KMT2A: variants seen among roughly 807,000 people sequenced by gnomAD.
KMT2A encodes histone-lysine N-methyltransferase 2A.
A neutral mutation model predicts 345.3 loss-of-function variants in KMT2A; 16 were observed. The observed-to-expected ratio is 0.05, with a 90% confidence interval of 0.03 to 0.07. The LOEUF is 0.07. Among genes scored for constraint, KMT2A ranks in the 10% least tolerant of loss-of-function variants. The pLI is 1.00. For missense variants in KMT2A, 3,272 were observed against 4,841.6 expected (o/e 0.68, Z 9.62); for synonymous variants, 1,599 against 1,778.6 (o/e 0.90, Z 2.54).
intron 28 of KMT2A, among the ~76,000 whole-genome samples, chr11:118,507,957 C>T (rs990524178): frequency 2.6e-5 from 4 of 151,926 alleles, no homozygotes; most frequent in African/African-American, 7.3e-5. Context: ...AGCAAGACTC[C>T]GTTTCCAAAA....
At chr11:118,519,894 C>T (rs1186203374) in intron 32 of KMT2A, 63 bp from the exon 33 acceptor site, 5 of 1,554,686 alleles carry the variant, frequency 3.2e-6, no homozygotes, top group Non-Finnish European at 4.4e-6. Context: ...AGTTTTAATG[C>T]CATCATCCTT....
chr11:118,491,315 GAAGGT>G lies in KMT2A; in HGVS notation c.4817_4819+2del. On this transcript the variant is annotated splice_donor_variant and coding_sequence_variant, in exon 14 of 36. Coordinates refer to ENST00000534358, the MANE Select transcript of KMT2A (RefSeq NM_001197104.2). LOFTEE classifies it high-confidence loss of function. The surrounding 1 kb of genome is among the most constrained non-coding windows in gnomAD (Gnocchi z 4.2). ...CAAATGTGAGAATCTTTCAGGTACAGAAGGTTGGAGTCTTTTTATTTCAGTTTTCT... is the reference window on the plus strand; with the variant it reads ...CAAATGTGAGAATCTTTCAGGTACAGTGGAGTCTTTTTATTTCAGTTTTCT... 1.2e-6 allele frequency: 2 copies of G among 1,612,934 alleles called. No homozygotes were observed. The highest frequency in any genetic ancestry group is 1.7e-6 in the Non-Finnish European group (2 of 1,179,608).
rs982583973 is a variant in KMT2A at position 118,525,751 on chromosome 11, A to G, written c.*3579A>G. The G allele has an allele frequency of 7.0e-5, 16 of 228,486 alleles. No individual in the cohort carries two copies. Among genetic ancestry groups the G allele is most frequent in the African/African-American group, 3.6e-4 (16 of 45,014 alleles). The allele number at this position is 228,486 out of a possible 1,614,324, so 14.2% of individuals were successfully genotyped here. On this transcript the variant is annotated 3_prime_UTR_variant, in exon 36 of 36. Coordinates refer to ENST00000534358, the MANE Select transcript of KMT2A (RefSeq NM_001197104.2). ...AAAACCTTGTCAGATGTTAACTTCT[A>G]AGTTCGGTTTGGGATTTTTTTTTTT... is the stretch of plus-strand genomic sequence containing the variant.
intron 31 of KMT2A, among the ~76,000 whole-genome samples, chr11:118,512,845 T>C (rs1365362399): frequency 6.6e-6 from 1 of 152,074 alleles, no homozygotes; most frequent in Non-Finnish European, 1.5e-5. Flanking sequence ...TGAAATGTTA[T>C]CTTTTCTTAA....
rs2135299644 is a variant in KMT2A, at chr11:118,522,154, C to T, written c.11901C>T (p.Cys3967=). The T allele has an allele frequency of 6.2e-7, 1 of 1,614,090 alleles. No homozygotes were observed. The highest frequency in any genetic ancestry group is 1.1e-5 in the South Asian group (1 of 91,078). ...CCTGCAACTGTGGCGCCAAGAAATG[C>T]CGGAAGTTCCTAAACTAAAGCTGCT... The part of the protein sequence containing the change: ...KLPCNCGAKK[C]RKFLN Residue 3967 remains cysteine (C), a synonymous_variant, in exon 36 of 36, where the codon TGC becomes TGT. Coordinates refer to ENST00000534358, the MANE Select transcript of KMT2A (RefSeq NM_001197104.2). The surrounding 1 kb of genome is among the most constrained non-coding windows in gnomAD (Gnocchi z 5.4).
chr11:118,472,477 A>G lies in KMT2A; in HGVS notation c.1318A>G (p.Ile440Val). The G allele has an allele frequency of 6.2e-7, 1 of 1,613,540 alleles. No individual in the cohort carries two copies. The highest frequency in any genetic ancestry group is 8.5e-7 in the Non-Finnish European group (1 of 1,179,886). Residue 440 changes from isoleucine to valine, a missense_variant, in exon 3 of 36, where the codon ATT becomes GTT. By Grantham distance (29) the Ile-to-Val change is conservative. This residue lies in a region of KMT2A where 180 missense variants were observed against 190.7 expected (regional missense o/e 0.94). Coordinates refer to ENST00000534358, the MANE Select transcript of KMT2A (RefSeq NM_001197104.2). ...EDEDYDPPIK[I>V]ARLESTPNSR... ...TGAGGATTATGACCCTCCAATTAAA[A>G]TTGCCCGATTAGAGTCTACACCGAA... is the stretch of plus-strand genomic sequence containing the variant.
rs782113912 is a variant in KMT2A, at chr11:118,476,615, T to G, written c.3157-190T>G. Among the ~76,000 whole-genome samples the G allele has an allele frequency of 4.6e-5, 7 of 152,188 alleles. No individual in the cohort carries two copies. The highest frequency in any genetic ancestry group is 9.6e-5 in the African/African-American group (4 of 41,458). On this transcript the variant is annotated intron_variant, in intron 3 of 35. Coordinates refer to ENST00000534358, the MANE Select transcript of KMT2A (RefSeq NM_001197104.2). This position sits in a 1 kb window ranked among gnomAD's most constrained non-coding sequence, Gnocchi z 4.1. Reference sequence around the variant, plus strand: ...TTTTTATTTTTTGATTAGAGGCCTTTTTTTGTGCTGCCAATTAGGATACAG... The same window carrying G: ...TTTTTATTTTTTGATTAGAGGCCTTGTTTTGTGCTGCCAATTAGGATACAG...
At position 118,493,116 on chromosome 11, in the gene KMT2A, C is replaced by T. The variant is rs1308434426; in HGVS notation, c.5064C>T (p.Ser1688=). The T allele has an allele frequency of 1.2e-6, 2 of 1,614,004 alleles. No individual in the cohort carries two copies. The highest frequency in any genetic ancestry group is 1.7e-6 in the Non-Finnish European group (2 of 1,179,950). ...AGGAGAGTATACCTTCCCGCAGCTC[C>T]CCCGAAGGACCTGATCCACCAGTTC... is the stretch of plus-strand genomic sequence containing the variant. ...ETEESIPSRS[S]PEGPDPPVLT... is the part of the protein sequence containing the mutation. The change falls in exon 16 of 36, where the codon TCC becomes TCT. Residue 1688 remains serine (S), a synonymous_variant. Coordinates refer to ENST00000534358, the MANE Select transcript of KMT2A (RefSeq NM_001197104.2). This position sits in a 1 kb window ranked among gnomAD's most constrained non-coding sequence, Gnocchi z 5.8.
In KMT2A at chr11:118,526,153, T is replaced by G. The variant is rs1277387555; in HGVS notation, c.*3981T>G. On this transcript the variant is annotated 3_prime_UTR_variant, in exon 36 of 36. Transcript: ENST00000534358. ...TGATTCCCGAAATGGGGGGAACCTC[T>G]AACCATAAAGGAATGGTAGAACAGT... 9.2e-6 allele frequency: 2 copies of G among 216,680 alleles called. No homozygotes were observed. Among genetic ancestry groups the G allele is most frequent in the Admixed American group, 5.8e-5 (1 of 17,230 alleles). The allele number at this position is 216,680 out of a possible 1,614,324, so 13.4% of individuals were successfully genotyped here. A position where few individuals can be genotyped will look rare whatever the true frequency, so the allele number is the denominator to read the frequency against.
At chr11:118,466,563 C>T (rs1447936946) in intron 1 of KMT2A, among the ~76,000 whole-genome samples, 1 of 152,086 alleles carries the variant, frequency 6.6e-6, no homozygotes, top group African/African-American at 2.4e-5. Context: ...GCCTGTAAAT[C>T]CCAGCACTTT....
chr11:118,494,799 C>T lies in KMT2A; in HGVS notation c.5363+32C>T, dbSNP rs1292964164. On this transcript the variant is annotated intron_variant, in intron 18 of 35. Transcript: ENST00000534358. This position sits in a 1 kb window ranked among gnomAD's most constrained non-coding sequence, Gnocchi z 5.8. The stretch of plus-strand genomic sequence containing the variant: ...GAATTTAGCATAACTTTTTTTTCTC[C>T]TCATCGGCTAGAAATCTGAGAGTTC... 1.3e-6 allele frequency: 2 copies of T among 1,530,352 alleles called. No individual in the cohort carries two copies. Among genetic ancestry groups the T allele is most frequent in the African/African-American group, 1.4e-5 (1 of 73,172 alleles). The allele number at this position is 1,530,352 out of a possible 1,614,324, so 94.8% of individuals were successfully genotyped here.
chr11:118,487,652 C>A lies in KMT2A; in HGVS notation c.4333-962C>A, dbSNP rs565920886. Among the ~76,000 whole-genome samples the A allele has an allele frequency of 1.2e-4, 18 of 152,242 alleles. No homozygotes were observed. The East Asian group carries it at 3.5e-3, about 29-fold the overall frequency. ...GTTGCAGACATAAACCATTTTACCT[C>A]TAAATATTTTAGTGTATATTTTTAA... On this transcript the variant is annotated intron_variant, in intron 10 of 35. Transcript: ENST00000534358.
chr11:118,484,776 C>T lies in KMT2A; in HGVS notation c.4219-86C>T, dbSNP rs1332336659. On this transcript the variant is annotated intron_variant, in intron 9 of 35. Coordinates refer to ENST00000534358, the MANE Select transcript of KMT2A (RefSeq NM_001197104.2). This position sits in a 1 kb window ranked among gnomAD's most constrained non-coding sequence, Gnocchi z 4.1. ...GAAATACTCTGACATTGTGATGTCA[C>T]ACTAATTTTATGCTTTTCATCCTTA... 8 of 864,016 alleles carry T rather than the reference C, an allele frequency of 9.3e-6. No individual in the cohort carries two copies. Among genetic ancestry groups the T allele is most frequent in the African/African-American group, 1.7e-5 (1 of 60,364 alleles). 53.5% of individuals were successfully genotyped at this position (864,016 alleles called of 1,614,324 possible). A position where few individuals can be genotyped will look rare whatever the true frequency, so the allele number is the denominator to read the frequency against.
At position 118,477,498 on chromosome 11, in the gene KMT2A, C is replaced by CTTTTTTTTTTTTTT. The variant is rs11430367; in HGVS notation, c.3335-455_3335-442dup. ...CTTTCATCAAGATGCAAGTTATTGGCTTTTTTTTTTTTTTTTTTTTTTTTT... is the reference window on the plus strand; with the variant it reads ...CTTTCATCAAGATGCAAGTTATTGGCTTTTTTTTTTTTTTTTTTTTTTTTTTTTTTTTTTTTTTT... On this transcript the variant is annotated intron_variant, in intron 4 of 35. Transcript: ENST00000534358. Among the ~76,000 whole-genome samples the CTTTTTTTTTTTTTT allele has an allele frequency of 7.6e-4, 43 of 56,944 alleles. 11 individuals carry two copies. Among genetic ancestry groups the CTTTTTTTTTTTTTT allele is most frequent in the African/African-American group, 2.2e-3 (28 of 12,984 alleles). 37.4% of individuals were successfully genotyped at this position (56,944 alleles called of 152,430 possible).
In KMT2A at chr11:118,490,994, A is replaced by T. The variant is rs1950315456; in HGVS notation, c.4697-202A>T. On this transcript the variant is annotated intron_variant, in intron 13 of 35. Transcript: ENST00000534358. The surrounding 1 kb of genome is among the most constrained non-coding windows in gnomAD (Gnocchi z 4.2). ...GTAAACTAAAGAAAACTAGTAGCAT[A>T]TGAAGCTTTTCTGTGAGTATTCGAG... Among the ~76,000 whole-genome samples the T allele has an allele frequency of 6.6e-6, 1 of 152,230 alleles. No homozygotes were observed. Among genetic ancestry groups the T allele is most frequent in the Admixed American group, 6.5e-5 (1 of 15,274 alleles).
At position 118,473,608 on chromosome 11, in the gene KMT2A, A is replaced by G. The variant is rs782667502; in HGVS notation, c.2449A>G (p.Arg817Gly). The G allele has an allele frequency of 1.1e-5, 17 of 1,613,990 alleles. No individual in the cohort carries two copies. The highest frequency in any genetic ancestry group is 3.4e-6 in the Non-Finnish European group (4 of 1,180,044). ...GESAEKNQRP[R>G]KQTSAPAEPF... ...ATCTGCAGAGAAAAATCAGAGACCAAGGAAGCAGACTAGTGCTCCGGCAGA... is the reference window on the plus strand; with the variant it reads ...ATCTGCAGAGAAAAATCAGAGACCAGGGAAGCAGACTAGTGCTCCGGCAGA... The change falls in exon 3 of 36, where the codon AGG (arginine) becomes GGG (glycine). Residue 817 changes from arginine to glycine, a missense_variant. Physicochemically the swap from Arg to Gly is moderately radical, Grantham distance 125. Coordinates refer to ENST00000534358, the MANE Select transcript of KMT2A (RefSeq NM_001197104.2). This position sits in a 1 kb window ranked among gnomAD's most constrained non-coding sequence, Gnocchi z 5.2.
At chr11:118,449,725 C>T (rs782194780) in intron 1 of KMT2A, 5 of 152,078 alleles carry the variant, frequency 3.3e-5, no homozygotes, top group Non-Finnish European at 5.9e-5. Flanking sequence ...GGAGAGATAA[C>T]CCTGTTTACC....
chr11:118,518,626 C>T (rs552789671), intron 31 of KMT2A, among the ~76,000 whole-genome samples: 1 of 151,486 alleles, frequency 6.6e-6, no homozygotes, highest in East Asian at 1.9e-4. Context: ...ACTAAAAATA[C>T]AAAAAAATTA....
At chr11:118,437,890 G>GGGGC (rs1452826141) in intron 1 of KMT2A, among the ~76,000 whole-genome samples, 1 of 152,280 alleles carries the variant, frequency 6.6e-6, no homozygotes, top group Non-Finnish European at 1.5e-5. Context: ...TCTGGGGAAG[G>GGGGC]GGGCCCCTGT....
Sources: gnomAD v4.1 joint callset for allele counts (sites outside exome capture counted in the v4.1 genomes callset) on GRCh38, gnomAD v4.1.1 for gene constraint, gnomAD v4.1.1 regional missense constraint, Gnocchi (gnomAD v3.1) non-coding constraint, MANE v1.5 for transcripts, NCBI Gene and HGNC (gene_info 2026-07-23, HGNC 2026-07-21) for gene names.